RRP15: variants seen among roughly 807,000 people sequenced by gnomAD.
RRP15 encodes ribosomal RNA processing 15 homolog, also known as RRP15-like protein.
Under a neutral mutation model 27.1 loss-of-function variants are expected in RRP15, and 18 were observed. The ratio of observed to expected loss-of-function variants is 0.66; its 90% CI spans 0.46 to 0.98. The LOEUF (loss-of-function observed/expected upper bound fraction) is 0.98. Ranked by LOEUF, RRP15 falls within the 50% of genes least tolerant of loss-of-function variation. The pLI is 0.00. For synonymous variants in RRP15, 107 were observed against 109.4 expected, an observed-to-expected ratio of 0.98 and a Z score of 0.14; for missense variants, 359 against 337.8, an observed-to-expected ratio of 1.06 and a Z score of -0.49.
intron 1 of RRP15, among the ~76,000 whole-genome samples, chr1:218,293,861 G>A (rs757841184): frequency 4.6e-5 from 7 of 152,066 alleles, no homozygotes; most frequent in Non-Finnish European, 5.9e-5. Flanking sequence ...CTGATTCATG[G>A]TGTAGTACTT....
intron 4 of RRP15, among the ~76,000 whole-genome samples, chr1:218,314,466 A>C (rs1275100758): frequency 6.6e-6 from 1 of 152,104 alleles, no homozygotes; most frequent in African/African-American, 2.4e-5. Context: ...TAATTCTGTT[A>C]CTCTAAAGGC....
chr1:218,292,436 G>A (rs926882905), intron 1 of RRP15, among the ~76,000 whole-genome samples: 2 of 152,156 alleles, frequency 1.3e-5, no homozygotes, highest in African/African-American at 4.8e-5. Flanking sequence ...TGGAAAAAAT[G>A]TGGCACTAAA....
At chr1:218,309,295 A>G (rs182311218) in intron 4 of RRP15, among the ~76,000 whole-genome samples, 143 of 152,324 alleles carry the variant, frequency 9.4e-4, no homozygotes, top group African/African-American at 3.1e-3. Flanking sequence ...ATATTTATGG[A>G]AAAACAGACT....
At position 218,302,289 on chromosome 1, in the gene RRP15, T is replaced by C. The variant is rs1397000058; in HGVS notation, c.140-5T>C. 1.9e-6 allele frequency: 3 copies of C among 1,609,552 alleles called. No homozygotes were observed. The highest frequency in any genetic ancestry group is 2.5e-6 in the Non-Finnish European group (3 of 1,176,874). On this transcript the variant is annotated splice_polypyrimidine_tract_variant and splice_region_variant and intron_variant, in intron 1 of 4. Coordinates refer to ENST00000366932, the MANE Select transcript of RRP15 (RefSeq NM_016052.4). ...TTAATTTGCCTTTACTCTTTGGTTC[T>C]ATAGGAAGCTGTGGATCGGAAAAGG...
intron 4 of RRP15, among the ~76,000 whole-genome samples, chr1:218,325,459 C>CAATAAT (rs1011760722): frequency 1.3e-4 from 20 of 152,170 alleles, no homozygotes; most frequent in Non-Finnish European, 2.6e-4. Context: ...GTTCAGTATT[C>CAATAAT]ACATTTCAAT....
At chr1:218,327,535 C>T (rs1656293897) in intron 4 of RRP15, among the ~76,000 whole-genome samples, 1 of 152,118 alleles carries the variant, frequency 6.6e-6, no homozygotes, top group African/African-American at 2.4e-5. Context: ...AACTCCTGAC[C>T]TCAAGTGATC....
intron 2 of RRP15, chr1:218,302,767 G>A: frequency 1.5e-6 from 1 of 648,544 alleles, no homozygotes; most frequent in South Asian, 2.7e-5. Context: ...CTATGCAAAG[G>A]CAAAGTAATA....
chr1:218,312,287 T>C (rs536546279), intron 4 of RRP15, among the ~76,000 whole-genome samples: 1 of 151,888 alleles, frequency 6.6e-6, no homozygotes, highest in South Asian at 2.1e-4. Flanking sequence ...TTTTTCTTTT[T>C]TTTTTTTTTA....
At chr1:218,318,823 C>A (rs950330888) in intron 4 of RRP15, among the ~76,000 whole-genome samples, 3 of 151,600 alleles carry the variant, frequency 2.0e-5, no homozygotes, top group African/African-American at 7.3e-5. Context: ...TTCACAGGAG[C>A]AAGTGTACCT....
At chr1:218,315,995 C>T (rs1179087517) in intron 4 of RRP15, among the ~76,000 whole-genome samples, 1 of 152,142 alleles carries the variant, frequency 6.6e-6, no homozygotes, top group African/African-American at 2.4e-5. Context: ...TGAGAACAAG[C>T]AGGATTATAC....
chr1:218,285,367 A>G lies in RRP15; in HGVS notation c.51A>G (p.Lys17=), dbSNP rs780340445. Residue 17 remains lysine (K), a synonymous_variant, in exon 1 of 5, where the codon AAA becomes AAG. Transcript: ENST00000366932. ...GTGTGAGTGAGGAAGAAAACCTGAA[A>G]AAGACCCCAAAGAAGAAGATGAAAA... is the stretch of plus-strand genomic sequence containing the variant. ...DSRVSEEENL[K]KTPKKKMKMV... is the part of the protein sequence containing the mutation. 8 of 1,614,144 alleles carry G rather than the reference A, an allele frequency of 5.0e-6. No individual in the cohort carries two copies. In the East Asian group the frequency reaches 1.8e-4, roughly 36 times the overall value.
chr1:218,317,906 T>A (rs1364388878), intron 4 of RRP15, among the ~76,000 whole-genome samples: 4 of 151,368 alleles, frequency 2.6e-5, no homozygotes, highest in South Asian at 4.2e-4. Flanking sequence ...TGATTTAAAA[T>A]TTTTTTTTCT....
chr1:218,310,983 A>G (rs544542410), intron 4 of RRP15, among the ~76,000 whole-genome samples: 6 of 152,178 alleles, frequency 3.9e-5, no homozygotes, highest in African/African-American at 1.4e-4. Context: ...TCCTGACCTC[A>G]GGTGATCCGC....
intron 1 of RRP15, among the ~76,000 whole-genome samples, chr1:218,297,723 G>A (rs912870196): frequency 3.9e-5 from 6 of 152,070 alleles, no homozygotes; most frequent in Admixed American, 3.3e-4. Flanking sequence ...CTTTCAGGTG[G>A]TATTTACATT....
Position 218,336,761 on chromosome 1 carries a change from A to G in RRP15, c.*5670A>G, listed in dbSNP as rs1232641043. 6.6e-6 allele frequency: 1 copy of G among 152,230 alleles called. No individual in the cohort carries two copies. Among genetic ancestry groups the G allele is most frequent in the Admixed American group, 6.5e-5 (1 of 15,278 alleles). The allele number at this position is 152,230 out of a possible 1,614,324, so 9.4% of individuals were successfully genotyped here. The stretch of plus-strand genomic sequence containing the variant: ...AGCAACACTGGGTTCTCTTAAGTAT[A>G]TTATAAATATAAAAGCTCAAAGTCC... On this transcript the variant is annotated 3_prime_UTR_variant, in exon 5 of 5. Transcript: ENST00000366932.
intron 1 of RRP15, among the ~76,000 whole-genome samples, chr1:218,296,061 T>C (rs1357083841): frequency 6.6e-6 from 1 of 152,168 alleles, no homozygotes; most frequent in East Asian, 1.9e-4. Context: ...TAGGGGGATA[T>C]GTATACTTAG....
At chr1:218,308,253 G>A (rs1469493268) in intron 4 of RRP15, among the ~76,000 whole-genome samples, 1 of 151,326 alleles carries the variant, frequency 6.6e-6, no homozygotes, top group Non-Finnish European at 1.5e-5. Context: ...TGTATTTTTA[G>A]TAGAGACGGG....
intron 1 of RRP15, among the ~76,000 whole-genome samples, chr1:218,293,338 C>G (rs1330763298): frequency 6.6e-6 from 1 of 152,074 alleles, no homozygotes; most frequent in African/African-American, 2.4e-5. Flanking sequence ...TAAAGGTGAC[C>G]CATGGAGGTG....
rs77979592 is a variant in RRP15, at chr1:218,302,505, G to A, written c.351G>A (p.Lys117=). The change falls in exon 2 of 5, where the codon AAG becomes AAA. Residue 117 remains lysine, a synonymous_variant. Transcript: ENST00000366932. ...CTACTATTCTGGTCAAAAATAAGAA[G>A]CTGGAAAAGGAAAAAGAAAAGTTAA... is the stretch of plus-strand genomic sequence containing the variant. ...SKPTILVKNK[K]LEKEKEKLKQ... The A allele has an allele frequency of 3.7e-6, 6 of 1,613,338 alleles. No individual in the cohort carries two copies. Among genetic ancestry groups the A allele is most frequent in the South Asian group, 1.1e-5 (1 of 90,980 alleles).
Sources: allele counts gnomAD v4.1 joint callset (sites outside exome capture counted in the v4.1 genomes callset), GRCh38; gene constraint gnomAD v4.1.1; transcripts MANE v1.5; gene names NCBI Gene and HGNC (gene_info 2026-07-23, HGNC 2026-07-21).